DGKD: variants seen among roughly 807,000 people sequenced by gnomAD.
DGKD encodes the protein diacylglycerol kinase delta, also known as DAG kinase delta.
A neutral mutation model predicts 154.4 loss-of-function variants in DGKD; 68 were observed. The observed-to-expected ratio is 0.44, with a 90% CI of 0.36 to 0.54. The LOEUF is 0.54. Among genes scored for constraint, DGKD ranks in the 20% least tolerant of loss-of-function variants. The probability of loss-of-function intolerance (pLI) is 0.00; values close to 1 mark genes in which losing one functional copy is unlikely to be tolerated. For missense variants in DGKD, 1,343 were observed against 1,593.6 expected, an observed-to-expected ratio of 0.84 and a Z score of 2.68; for synonymous variants, 693 against 638.0, an observed-to-expected ratio of 1.09 and a Z score of -1.30.
At chr2:233,465,806 G>C (rs928122413) in intron 27 of DGKD, among the ~76,000 whole-genome samples, 1 of 151,842 alleles carries the variant, frequency 6.6e-6, no homozygotes, top group African/African-American at 2.4e-5. Flanking sequence ...TGTTTTAAAA[G>C]AAACCTAACC....
intron 3 of DGKD, among the ~76,000 whole-genome samples, chr2:233,394,382 A>G (rs1469658978): frequency 6.6e-6 from 1 of 152,030 alleles, no homozygotes; most frequent in East Asian, 1.9e-4. Context: ...AGCTGGGACT[A>G]CAGGTGCTTG....
At chr2:233,375,028 GCCTGTAAT>G (rs1427151236) in intron 1 of DGKD, among the ~76,000 whole-genome samples, 1 of 152,150 alleles carries the variant, frequency 6.6e-6, no homozygotes, top group East Asian at 1.9e-4. Context: ...GGTGGCTCAT[GCCTGTAAT>G]CCCAGCACTT....
intron 1 of DGKD, chr2:233,385,932 G>T: frequency 4.2e-6 from 2 of 470,896 alleles, no homozygotes; most frequent in Non-Finnish European, 4.4e-6. Context: ...TAAAGCAGCA[G>T]CTCTCCTTGG....
intron 3 of DGKD, among the ~76,000 whole-genome samples, chr2:233,391,740 T>G (rs1228336012): frequency 1.3e-5 from 2 of 152,220 alleles, no homozygotes; most frequent in Non-Finnish European, 2.9e-5. Context: ...TAGTTTCAGG[T>G]GCTTTCAAGT....
chr2:233,452,038 T>A lies in DGKD; in HGVS notation c.2242T>A (p.Phe748Ile). Residue 748 changes from phenylalanine to isoleucine, a missense_variant, in exon 18 of 30, where the codon TTC (phenylalanine) becomes ATC (isoleucine). This residue lies in a region of DGKD where 409 missense variants were observed against 446.0 expected (regional missense o/e 0.92). Coordinates refer to ENST00000264057, the MANE Select transcript of DGKD (RefSeq NM_152879.3). This position sits in a 1 kb window ranked among gnomAD's most constrained non-coding sequence, Gnocchi z 4.0. ...ISRLLINADP[F>I]NSEPETLEYY... Reference sequence around the variant, plus strand: ...TCGCCTGTTAATTAATGCTGATCCCTTCAACTCTGAACCAGAAACCCTGTG... The same window carrying A: ...TCGCCTGTTAATTAATGCTGATCCCATCAACTCTGAACCAGAAACCCTGTG... The A allele has an allele frequency of 6.2e-7, 1 of 1,613,922 alleles. No homozygotes were observed. Among genetic ancestry groups the A allele is most frequent in the Non-Finnish European group, 8.5e-7 (1 of 1,179,870 alleles).
rs1483931235 is a variant in DGKD at position 233,437,400 on chromosome 2, C to T, written c.843C>T (p.Ser281=). 31 of 1,614,228 alleles carry T rather than the reference C, an allele frequency of 1.9e-5. No homozygotes were observed. The highest frequency in any genetic ancestry group is 2.5e-5 in the Non-Finnish European group (29 of 1,180,038). Reference sequence around the variant, plus strand: ...AGGTTCACACATCGTGTAAAGAATCCTTGCTGACCAAGTGCCCACTTGGCC... The same window carrying T: ...AGGTTCACACATCGTGTAAAGAATCTTTGCTGACCAAGTGCCCACTTGGCC... The part of the protein sequence containing the change: ...KAMVHTSCKE[S]LLTKCPLGLC... The change falls in exon 8 of 30, where the codon TCC becomes TCT. Residue 281 remains serine (S), a synonymous_variant. Coordinates refer to ENST00000264057, the MANE Select transcript of DGKD (RefSeq NM_152879.3).
chr2:233,390,038 C>T (rs1427097777), intron 2 of DGKD, among the ~76,000 whole-genome samples: 1 of 152,220 alleles, frequency 6.6e-6, no homozygotes, highest in Non-Finnish European at 1.5e-5. Flanking sequence ...AGCTAAAACA[C>T]TGTGTGAGAA....
At chr2:233,359,660 G>T (rs945339764) in intron 1 of DGKD, among the ~76,000 whole-genome samples, 1 of 152,134 alleles carries the variant, frequency 6.6e-6, no homozygotes, top group Non-Finnish European at 1.5e-5. Context: ...AATTTATTGA[G>T]TACTAGTGGG....
chr2:233,433,045 A>C (rs2062581979), intron 3 of DGKD, among the ~76,000 whole-genome samples: 1 of 152,236 alleles, frequency 6.6e-6, no homozygotes, highest in African/African-American at 2.4e-5. Context: ...TTCCTCAAAA[A>C]AGTCAAAATA....
intron 1 of DGKD, among the ~76,000 whole-genome samples, chr2:233,355,198 C>T (rs1262864188): frequency 6.6e-6 from 1 of 152,172 alleles, no homozygotes; most frequent in African/African-American, 2.4e-5. Flanking sequence ...CCCCTTCACC[C>T]CTTCATCCCA....
intron 11 of DGKD, 32 bp from the exon 12 acceptor site, chr2:233,446,680 T>TG (rs765764435): frequency 2.0e-5 from 32 of 1,608,208 alleles, no homozygotes; most frequent in Non-Finnish European, 2.7e-5. Context: ...CTGCACGTCT[T>TG]GCCGCCTGTG....
chr2:233,365,139 G>A (rs1310646433), intron 1 of DGKD, among the ~76,000 whole-genome samples: 2 of 152,022 alleles, frequency 1.3e-5, no homozygotes, highest in Admixed American at 6.6e-5. Context: ...TAATCATAGT[G>A]AGATGTTTTA....
At chr2:233,455,716 T>A (rs1029723595) in intron 19 of DGKD, among the ~76,000 whole-genome samples, 1 of 152,380 alleles carries the variant, frequency 6.6e-6, no homozygotes. Flanking sequence ...CGTGGCCCCC[T>A]GTGGCCTCGC....
At chr2:233,450,881 T>C in intron 16 of DGKD, 41 bp from the exon 17 acceptor site, 2 of 1,575,908 alleles carry the variant, frequency 1.3e-6, no homozygotes, top group Non-Finnish European at 1.7e-6. Context: ...TCACAGTCTC[T>C]ATTCCACACA....
In DGKD at chr2:233,438,976, G is replaced by A. The variant is rs375523145; in HGVS notation, c.1085+597G>A. On this transcript the variant is annotated intron_variant, in intron 9 of 29. Transcript: ENST00000264057. The surrounding 1 kb of genome is among the most constrained non-coding windows in gnomAD (Gnocchi z 4.1). ...GGCAGGAACACGTAAGGGCGGCGTT[G>A]GGCCAGAGCGATTTCCACTGTGCAT... 2.0e-5 allele frequency among the ~76,000 whole-genome samples: 3 copies of A among 152,252 alleles called. No individual in the cohort carries two copies. The highest frequency in any genetic ancestry group is 7.2e-5 in the African/African-American group (3 of 41,468).
chr2:233,410,850 C>G (rs2125513641), intron 3 of DGKD, among the ~76,000 whole-genome samples: 1 of 152,288 alleles, frequency 6.6e-6, no homozygotes, highest in East Asian at 1.9e-4. Context: ...TTCCATCACC[C>G]TGAGAATTTC....
chr2:233,460,856 C>T (rs1324518719), intron 24 of DGKD, among the ~76,000 whole-genome samples: 2 of 152,030 alleles, frequency 1.3e-5, no homozygotes, highest in African/African-American at 4.8e-5. Flanking sequence ...AGCGCCACTG[C>T]ACTCCAACCT....
intron 3 of DGKD, among the ~76,000 whole-genome samples, chr2:233,414,680 C>T (rs1379920598): frequency 6.6e-6 from 1 of 152,196 alleles, no homozygotes; most frequent in Non-Finnish European, 1.5e-5. Context: ...TTTTGCTTCA[C>T]AATTAGAAGA....
intron 3 of DGKD, among the ~76,000 whole-genome samples, chr2:233,403,500 GCAGTGAGCCAAGAT>G (rs1261883263): frequency 1.3e-5 from 2 of 151,818 alleles, no homozygotes; most frequent in Non-Finnish European, 2.9e-5. Context: ...GGTGGAGGTT[GCAGTGAGCCAAGAT>G]CGCACCGTTG....
Sources: gnomAD v4.1 joint callset for allele counts (sites outside exome capture counted in the v4.1 genomes callset) on GRCh38, gnomAD v4.1.1 for gene constraint, gnomAD v4.1.1 regional missense constraint, Gnocchi (gnomAD v3.1) non-coding constraint, MANE v1.5 for transcripts, NCBI Gene and HGNC (gene_info 2026-07-23, HGNC 2026-07-21) for gene names.